Variants in MCUB observed in about 807,000 individuals in gnomAD.
MCUB encodes the protein mitochondrial calcium uniporter dominant negative subunit beta.
A neutral mutation model predicts 41.4 loss-of-function variants in MCUB; 46 were observed. The observed-to-expected ratio is 1.11, with a 90% CI of 0.88 to 1.42. The LOEUF is 1.42. Among genes scored for constraint, MCUB ranks in the 40% most tolerant of loss-of-function variants. MCUB has a pLI of 0.00. For missense variants in MCUB, 403 were observed against 404.9 expected, an observed-to-expected ratio of 1.00 and a Z score of 0.04; for synonymous variants, 148 against 148.2, an observed-to-expected ratio of 1.00 and a Z score of 0.01.
At position 109,582,434 on chromosome 4, in the gene MCUB, A is replaced by T. The variant is rs182318420; in HGVS notation, c.99+21998A>T. Among the ~76,000 whole-genome samples, 864 of 151,320 alleles carry T rather than the reference A, an allele frequency of 5.7e-3. 9 individuals are homozygous for T. The highest frequency in any genetic ancestry group is 0.02 in the African/African-American group (846 of 41,272). ...GGAGATATACCTAATGTAAATGATG[A>T]GTAAAGGGTGCAGCACACCAACATG... is the stretch of plus-strand genomic sequence containing the variant. On this transcript the variant is annotated intron_variant, in intron 1 of 7. Transcript: ENST00000394650.
intron 4 of MCUB, among the ~76,000 whole-genome samples, chr4:109,664,814 A>C (rs1240952599): frequency 6.6e-6 from 1 of 151,748 alleles, no homozygotes; most frequent in Non-Finnish European, 1.5e-5. Flanking sequence ...AGTCCCGTAT[A>C]CTCTTTTTAG....
At chr4:109,570,395 G>A (rs1579043151) in intron 1 of MCUB, among the ~76,000 whole-genome samples, 1 of 152,224 alleles carries the variant, frequency 6.6e-6, no homozygotes, top group African/African-American at 2.4e-5. Flanking sequence ...GGAGATAGCT[G>A]TCATTGTCTT....
At chr4:109,655,503 A>G (rs769542182) in intron 1 of MCUB, among the ~76,000 whole-genome samples, 1 of 152,178 alleles carries the variant, frequency 6.6e-6, no homozygotes, top group Non-Finnish European at 1.5e-5. Context: ...GCCATCTAGC[A>G]TCCCACCAAG....
chr4:109,663,492 C>T (rs1016852214), intron 3 of MCUB, among the ~76,000 whole-genome samples: 4 of 152,084 alleles, frequency 2.6e-5, no homozygotes, highest in African/African-American at 9.7e-5. Context: ...TCTCCCCTTC[C>T]ACAAAATAAA....
At chr4:109,560,570 C>G in intron 1 of MCUB, 134 bp downstream of exon 1, 1 of 444,290 alleles carries the variant, frequency 2.3e-6, no homozygotes, top group Non-Finnish European at 3.7e-6. Flanking sequence ...CTCCGCGCGC[C>G]GGGCGGTCCC....
At chr4:109,680,173 C>T (rs1024584477) in intron 4 of MCUB, among the ~76,000 whole-genome samples, 14 of 152,134 alleles carry the variant, frequency 9.2e-5, no homozygotes, top group African/African-American at 3.1e-4. Context: ...GAAATGTTAA[C>T]GTTCAAGGAC....
rs1388769459 is a variant in MCUB, at chr4:109,660,349, A to G, written c.330A>G (p.Ala110=). The change falls in exon 3 of 8, where the codon GCA becomes GCG. Residue 110 remains alanine (A), a synonymous_variant. Coordinates refer to ENST00000394650, the MANE Select transcript of MCUB (RefSeq NM_017918.5). ...ATGAAGATAAGGGTATCAAAACTGC[A>G]GCCATCTTCACAGCAGGTATATATG... is the stretch of plus-strand genomic sequence containing the variant. ...LQNEDKGIKT[A]AIFTADGNMI... 1.2e-6 allele frequency: 2 copies of G among 1,602,392 alleles called. No individual in the cohort carries two copies. The highest frequency in any genetic ancestry group is 2.2e-5 in the South Asian group (2 of 90,324).
At chr4:109,605,956 GTTTT>G (rs1016617289) in intron 1 of MCUB, among the ~76,000 whole-genome samples, 12 of 116,192 alleles carry the variant, frequency 1.0e-4, no homozygotes, top group Admixed American at 2.7e-4. Flanking sequence ...CTGGGCCTGG[GTTTT>G]TGTTTGTTTG....
intron 1 of MCUB, among the ~76,000 whole-genome samples, chr4:109,647,753 T>A (rs1728870319): frequency 6.6e-6 from 1 of 152,090 alleles, no homozygotes; most frequent in Non-Finnish European, 1.5e-5. Context: ...CCGACCACAG[T>A]CTAGTATTAA....
At chr4:109,622,120 G>T (rs546661565) in intron 1 of MCUB, among the ~76,000 whole-genome samples, 1 of 152,234 alleles carries the variant, frequency 6.6e-6, no homozygotes, top group South Asian at 2.1e-4. Context: ...GACCTCAAGT[G>T]ATCTGCCCAC....
At chr4:109,581,860 A>AT (rs1320757225) in intron 1 of MCUB, among the ~76,000 whole-genome samples, 2 of 152,222 alleles carry the variant, frequency 1.3e-5, no homozygotes, top group Non-Finnish European at 2.9e-5. Flanking sequence ...AATGGTGATC[A>AT]TTAAAAAGTC....
At chr4:109,611,093 G>A (rs1030297127) in intron 1 of MCUB, among the ~76,000 whole-genome samples, 1 of 150,158 alleles carries the variant, frequency 6.7e-6, no homozygotes, top group Non-Finnish European at 1.5e-5. Context: ...ATTCCTTTGA[G>A]ATAGGATAAG....
rs1729810966 is a variant in MCUB at position 109,685,235 on chromosome 4, TC to T, written c.817-15del. On this transcript the variant is annotated splice_polypyrimidine_tract_variant and intron_variant, in intron 6 of 7. Transcript: ENST00000394650. ...TCAAAACATGTTGTTTTCTTCTCTC[TC>T]TCTTTTTTTTTAAGGATTATACTTA... The T allele has an allele frequency of 3.1e-5, 30 of 954,692 alleles. No individual in the cohort carries two copies. The African/African-American group carries it at 5.0e-4, about 16-fold the overall frequency. The allele number at this position is 954,692 out of a possible 1,614,324, so 59.1% of individuals were successfully genotyped here.
intron 1 of MCUB, among the ~76,000 whole-genome samples, chr4:109,565,170 A>G (rs1726741780): frequency 6.6e-6 from 1 of 152,224 alleles, no homozygotes; most frequent in Non-Finnish European, 1.5e-5. Context: ...CCAGAGGAAA[A>G]TGAAGGTAGA....
intron 1 of MCUB, among the ~76,000 whole-genome samples, chr4:109,566,806 C>T (rs1467651453): frequency 1.3e-5 from 2 of 152,152 alleles, no homozygotes; most frequent in African/African-American, 2.4e-5. Context: ...ATTCACGTGT[C>T]GCATTGCTAG....
intron 1 of MCUB, among the ~76,000 whole-genome samples, chr4:109,597,608 C>A (rs1176426797): frequency 2.7e-4 from 35 of 128,634 alleles, no homozygotes; most frequent in African/African-American, 3.6e-4. Flanking sequence ...CCTCACCTCC[C>A]GGATGGGGCA....
At chr4:109,570,501 C>T (rs1432774100) in intron 1 of MCUB, among the ~76,000 whole-genome samples, 13 of 152,236 alleles carry the variant, frequency 8.5e-5, no homozygotes, top group Admixed American at 8.5e-4. Flanking sequence ...CCTTTGGCCT[C>T]TGTCCAAACT....
chr4:109,627,459 C>A (rs1305544830), intron 1 of MCUB, among the ~76,000 whole-genome samples: 2 of 152,188 alleles, frequency 1.3e-5, no homozygotes, highest in African/African-American at 4.8e-5. Flanking sequence ...GCTGTGCTCC[C>A]ATAGCAGTTT....
At chr4:109,685,424 G>C in intron 7 of MCUB, 57 bp downstream of exon 7, 1 of 740,492 alleles carries the variant, frequency 1.4e-6, no homozygotes, top group Admixed American at 1.9e-5. Context: ...CTTAGTATCA[G>C]GGAAGTATAA....
Sources: allele counts gnomAD v4.1 joint callset (sites outside exome capture counted in the v4.1 genomes callset), GRCh38; gene constraint gnomAD v4.1.1; transcripts MANE v1.5; gene names NCBI Gene and HGNC (gene_info 2026-07-23, HGNC 2026-07-21).